The following CILK1 variants were observed in gnomAD, a reference collection of about 807,000 sequenced individuals.
CILK1 encodes serine/threonine-protein kinase ICK.
In CILK1, 47 loss-of-function variants were observed where a neutral mutation model predicts 79.2. The ratio of observed to expected loss-of-function variants is 0.59; its 90% confidence interval spans 0.47 to 0.76. The LOEUF is 0.76. CILK1 is among the 30% of genes least tolerant of loss of function. The pLI, the probability that CILK1 is intolerant of heterozygous loss-of-function variation, is 0.00. For missense variants in CILK1, 660 were observed against 769.5 expected (o/e 0.86, Z 1.68); for synonymous variants, 266 against 275.9 (o/e 0.96, Z 0.36).
chr6:53,019,812 G>A lies in CILK1; in HGVS notation c.359-453C>T, dbSNP rs547161052. 6.6e-5 allele frequency among the ~76,000 whole-genome samples: 10 copies of A among 151,142 alleles called. No homozygotes were observed. The East Asian group carries it at 1.9e-3, about 29-fold the overall frequency. ...AGCTGGGACTACTGGCACAAACCAT[G>A]GTGCCTGGCTAGTTTTTTTGTTTTT... is the stretch of plus-strand genomic sequence containing the variant. On this transcript the variant is annotated intron_variant, in intron 5 of 13. Transcript: ENST00000676107.
At chr6:53,016,361 C>T in intron 7 of CILK1, 111 bp from the exon 8 acceptor site, 1 of 963,888 alleles carries the variant, frequency 1.0e-6, no homozygotes, top group Non-Finnish European at 1.7e-6. Context: ...TACCCACCCA[C>T]ATTCATTAAC....
At chr6:53,023,505 A>G (rs2127426935) in intron 5 of CILK1, among the ~76,000 whole-genome samples, 1 of 152,232 alleles carries the variant, frequency 6.6e-6, no homozygotes, top group Non-Finnish European at 1.5e-5. Flanking sequence ...ACTGAGAGAG[A>G]ACAATGACCC....
chr6:53,034,451 A>G (rs534066372), intron 3 of CILK1, among the ~76,000 whole-genome samples: 7 of 152,330 alleles, frequency 4.6e-5, no homozygotes, highest in Admixed American at 4.6e-4. Flanking sequence ...TGGCTCAGGA[A>G]AGGATTCCAA....
chr6:53,053,719 T>C (rs1767646143), intron 1 of CILK1, among the ~76,000 whole-genome samples: 1 of 152,228 alleles, frequency 6.6e-6, no homozygotes, highest in South Asian at 2.1e-4. Context: ...TGAAAATGAA[T>C]GATATGGCTA....
In CILK1 at chr6:53,004,813, A is replaced by G; in HGVS notation, c.*336T>C. ...GTAGAAAATATTATCTGGAACCCCA[A>G]AGGAAAATCAATTAATTTTTAAAAA... On this transcript the variant is annotated 3_prime_UTR_variant, in exon 14 of 14. Transcript: ENST00000676107. The G allele has an allele frequency of 4.5e-6, 1 of 224,460 alleles. No individual in the cohort carries two copies. The highest frequency in any genetic ancestry group is 1.1e-4 in the East Asian group (1 of 8,868). The allele number at this position is 224,460 out of a possible 1,614,324, so 13.9% of individuals were successfully genotyped here.
chr6:53,033,110 G>C (rs566427969), intron 3 of CILK1, among the ~76,000 whole-genome samples: 168 of 152,312 alleles, frequency 1.1e-3, no homozygotes, highest in African/African-American at 3.9e-3. Flanking sequence ...AACGACGAAG[G>C]GTTGATGGCC....
chr6:53,037,117 G>A (rs1757330089), intron 3 of CILK1, among the ~76,000 whole-genome samples: 1 of 152,134 alleles, frequency 6.6e-6, no homozygotes, highest in Non-Finnish European at 1.5e-5. Flanking sequence ...TATTCTATTA[G>A]GTGTTTCAAA....
chr6:53,047,516 T>C (rs1422620906), intron 1 of CILK1, among the ~76,000 whole-genome samples: 18 of 148,058 alleles, frequency 1.2e-4, no homozygotes, highest in East Asian at 1.0e-3. Context: ...TTTTTTTTTT[T>C]CCCAGGTTGG....
chr6:53,045,262 T>C (rs949539939), intron 1 of CILK1, among the ~76,000 whole-genome samples: 3 of 152,210 alleles, frequency 2.0e-5, no homozygotes, highest in Non-Finnish European at 4.4e-5. Flanking sequence ...ACCCAAAAAG[T>C]ATATTTGGAC....
Position 53,031,104 on chromosome 6 carries a change from A to G in CILK1, c.319T>C (p.Tyr107His). The G allele has an allele frequency of 6.2e-7, 1 of 1,610,714 alleles. No homozygotes were observed. Among genetic ancestry groups the G allele is most frequent in the Non-Finnish European group, 8.5e-7 (1 of 1,177,040 alleles). ...FPESAIRNIM[Y>H]QILQGLAFIH... ...AATGCGAGTCCTTGTAATATCTGAT[A>G]CATGATATTCCTTATAGCAGACTCA... The change falls in exon 5 of 14, where the codon TAT (tyrosine) becomes CAT (histidine). Residue 107 changes from tyrosine to histidine, a missense_variant. By Grantham distance (83) the Tyr-to-His change is moderately conservative. Transcript: ENST00000676107.
At chr6:53,057,923 C>T (rs1277316643) in intron 1 of CILK1, 1 of 152,068 alleles carries the variant, frequency 6.6e-6, no homozygotes, top group Non-Finnish European at 1.5e-5. Context: ...TAATCCTGAG[C>T]CCATATAGTT....
Position 53,013,730 on chromosome 6 carries a change from T to C in CILK1, c.1084A>G (p.Ser362Gly). The change falls in exon 9 of 14, where the codon AGC becomes GGC. Residue 362 changes from serine (S) to glycine (G), a missense_variant. Coordinates refer to ENST00000676107, the MANE Select transcript of CILK1 (RefSeq NM_014920.5). ...CTTGGCTTGTCCTCCTGGAGATGGC[T>C]TGGGTGATCTGTCCTGGAGACCTCT... ...KAEVSRTDHP[S>G]HLQEDKPSPL... 2 of 1,614,130 alleles carry C rather than the reference T, an allele frequency of 1.2e-6. No individual in the cohort carries two copies. Among genetic ancestry groups the C allele is most frequent in the Middle Eastern group, 1.7e-4 (1 of 6,060 alleles).
At chr6:53,007,686 A>G (rs1001136262) in intron 12 of CILK1, among the ~76,000 whole-genome samples, 5 of 151,882 alleles carry the variant, frequency 3.3e-5, no homozygotes, top group African/African-American at 1.2e-4. Flanking sequence ...TCCCAGCACA[A>G]TGGGAGACCC....
intron 1 of CILK1, among the ~76,000 whole-genome samples, chr6:53,044,261 G>A (rs1365416350): frequency 1.3e-5 from 2 of 152,066 alleles, no homozygotes; most frequent in South Asian, 2.1e-4. Flanking sequence ...GATCAGCAGC[G>A]GCGGCATTAG....
intron 12 of CILK1, 105 bp from the exon 13 acceptor site, chr6:53,006,542 TTTTAG>T: frequency 7.7e-7 from 1 of 1,300,764 alleles, no homozygotes; most frequent in East Asian, 2.5e-5. Flanking sequence ...AAGTTTTTAC[TTTTAG>T]GGAAAAGAGC....
chr6:53,044,576 G>A (rs114245124), intron 1 of CILK1, among the ~76,000 whole-genome samples: 1,581 of 152,246 alleles, frequency 0.01, 29 homozygotes, highest in African/African-American at 0.035. Flanking sequence ...TGTGCATTGC[G>A]AGGAAAACAA....
chr6:53,009,150 A>G (rs911524114), intron 12 of CILK1, among the ~76,000 whole-genome samples: 1 of 152,226 alleles, frequency 6.6e-6, no homozygotes, highest in African/African-American at 2.4e-5. Flanking sequence ...GGCTTTAGCC[A>G]TCAGGCCTAG....
At chr6:53,043,176 T>C (rs1413503881) in intron 1 of CILK1, among the ~76,000 whole-genome samples, 1 of 151,478 alleles carries the variant, frequency 6.6e-6, no homozygotes, top group Non-Finnish European at 1.5e-5. Context: ...ATTAGCTGGG[T>C]GTGGTGGCAT....
chr6:53,011,773 C>T lies in CILK1; in HGVS notation c.1488G>A (p.Leu496=). Residue 496 remains leucine, a synonymous_variant, in exon 11 of 14, where the codon TTG becomes TTA. Transcript: ENST00000676107. ...AAGCCAAGTCATTTATATTACCAGGCAAGTATCGAGAGTGCTTCAAATAGT... is the reference window on the plus strand; with the variant it reads ...AAGCCAAGTCATTTATATTACCAGGTAAGTATCGAGAGTGCTTCAAATAGT... ...KQHYLKHSRY[L]PGISIRNGIL... The T allele has an allele frequency of 6.2e-7, 1 of 1,613,936 alleles. No homozygotes were observed. The highest frequency in any genetic ancestry group is 8.5e-7 in the Non-Finnish European group (1 of 1,179,840).
Sources: allele counts gnomAD v4.1 joint callset (sites outside exome capture counted in the v4.1 genomes callset), GRCh38; gene constraint gnomAD v4.1.1; transcripts MANE v1.5; gene names NCBI Gene and HGNC (gene_info 2026-07-23, HGNC 2026-07-21).